The following DRICH1 variants were observed in gnomAD, a reference collection of about 807,000 sequenced individuals.
DRICH1 encodes the protein aspartate rich 1.
DRICH1 carries 38 observed loss-of-function variants against 39.5 expected under a neutral mutation model. The observed-to-expected ratio is 0.96, with a 90% confidence interval of 0.74 to 1.26. DRICH1 has a LOEUF of 1.26. DRICH1 is among the 50% of genes most tolerant of loss of function. The probability of loss-of-function intolerance (pLI) is 0.00; values close to 1 mark genes in which losing one functional copy is unlikely to be tolerated. For synonymous variants in DRICH1, 84 were observed against 99.5 expected (o/e 0.84, Z 0.93); for missense variants, 279 against 270.4 (o/e 1.03, Z -0.22).
At chr22:23,581,539 T>G in the DRICH1 span, 4 of 152,154 alleles carry the variant, frequency 2.6e-5, no homozygotes, top group Non-Finnish European at 5.9e-5. Context: ...TGGGAGATAA[T>G]GCATGTCAGT....
Position 23,622,100 on chromosome 22 carries a change from A to G in DRICH1, c.375T>C (p.Asp125=). The change falls in exon 4 of 12, where the codon GAT becomes GAC. Residue 125 remains aspartate (D), a synonymous_variant. Coordinates refer to ENST00000317749, the MANE Select transcript of DRICH1 (RefSeq NM_016449.4). The part of the protein sequence containing the change: ...EDDDCDDDDD[D]DAQILPSRVQ... ...AGAAAGATTGTCTTACCTGGGCATC[A>G]TCATCATCATCATCATCACAGTCAT... The G allele has an allele frequency of 6.5e-7, 1 of 1,542,994 alleles. No homozygotes were observed. The highest frequency in any genetic ancestry group is 2.4e-5 in the East Asian group (1 of 41,118).
chr22:23,627,746 G>C, intron 1 of DRICH1, among the ~76,000 whole-genome samples: 1 of 152,148 alleles, frequency 6.6e-6, no homozygotes. Context: ...CTGTCCTCAG[G>C]AGCTCAACTT....
chr22:23,608,906 A>T, intron 11 of DRICH1, 138 bp from the exon 12 acceptor site: 1 of 927,490 alleles, frequency 1.1e-6, no homozygotes, highest in Non-Finnish European at 1.7e-6. Flanking sequence ...GAAATTACAG[A>T]TGCGGAAACT....
rs1927212197 is a variant in DRICH1 at position 23,614,204 on chromosome 22, T to G, written c.552A>C (p.Glu184Asp). ...GTGAGCATCTTAAAAACAGGCTATC[T>G]TCAGAACAAGCTGGAAGGACACAGA... Reference protein sequence around the residue: ...ILPSPVQACSEDSLFLRCSLR... With the variant: ...ILPSPVQACSDDSLFLRCSLR... Residue 184 changes from glutamate (E) to aspartate (D), a missense_variant, in exon 9 of 12, where the codon GAA becomes GAC. Transcript: ENST00000317749. The G allele has an allele frequency of 6.2e-7, 1 of 1,613,134 alleles. No individual in the cohort carries two copies. The highest frequency in any genetic ancestry group is 1.3e-5 in the African/African-American group (1 of 74,908).
chr22:23,631,483 TG>T (rs1056158157), intron 1 of DRICH1, among the ~76,000 whole-genome samples: 2 of 151,304 alleles, frequency 1.3e-5, no homozygotes, highest in Non-Finnish European at 3.0e-5. Context: ...CCTTAAGAGA[TG>T]GAAGAAAAAC....
the DRICH1 span, among the ~76,000 whole-genome samples, chr22:23,591,913 T>C: frequency 6.6e-6 from 1 of 151,978 alleles, no homozygotes; most frequent in Admixed American, 6.6e-5. Context: ...ACACCCAGAA[T>C]ACAGCACAGG....
At chr22:23,607,010 GT>G (rs1182616735), downstream of DRICH1, 1 of 152,932 alleles carries the variant, frequency 6.5e-6, no homozygotes, top group Admixed American at 6.5e-5. Flanking sequence ...GGTGTGGCCG[GT>G]CCACCCTCAG....
chr22:23,631,450 T>G (rs940330612), intron 1 of DRICH1, among the ~76,000 whole-genome samples: 3 of 151,198 alleles, frequency 2.0e-5, no homozygotes, highest in Admixed American at 6.6e-5. Context: ...AAATAATAAA[T>G]AAAATTTACA....
At chr22:23,604,976 T>C (rs79420007), downstream of DRICH1, among the ~76,000 whole-genome samples, 4,756 of 152,240 alleles carry the variant, frequency 0.031, 224 homozygotes, top group African/African-American at 0.11. Context: ...CTGCATTTGG[T>C]GCAATTGTCC....
intron 2 of DRICH1, among the ~76,000 whole-genome samples, 196 bp downstream of exon 2, chr22:23,625,785 G>A (rs1928023233): frequency 2.0e-5 from 3 of 152,158 alleles, no homozygotes; most frequent in Admixed American, 1.3e-4. Context: ...GGAGTGACCT[G>A]CACACTCGGG....
intron 2 of DRICH1, 116 bp downstream of exon 2, chr22:23,625,865 C>T (rs752068112): frequency 1.2e-4 from 98 of 789,892 alleles, no homozygotes; most frequent in Non-Finnish European, 2.0e-4. Context: ...CATTAAAAGT[C>T]TTACTTTTGC....
At chr22:23,616,333 C>T (rs762523603) in intron 8 of DRICH1, among the ~76,000 whole-genome samples, 6 of 151,994 alleles carry the variant, frequency 3.9e-5, no homozygotes, top group Non-Finnish European at 5.9e-5. Flanking sequence ...AAGAGGTGAT[C>T]GAAAACACAG....
chr22:23,610,767 A>G (rs1440260948), intron 11 of DRICH1, among the ~76,000 whole-genome samples: 1 of 151,820 alleles, frequency 6.6e-6, no homozygotes, highest in Non-Finnish European at 1.5e-5. Flanking sequence ...CATAGAACAC[A>G]TCAACTATTT....
the DRICH1 span, among the ~76,000 whole-genome samples, chr22:23,590,121 G>A: frequency 6.6e-6 from 1 of 152,146 alleles, no homozygotes; most frequent in Non-Finnish European, 1.5e-5. Context: ...GAGCTGTGTG[G>A]ACGGGAAGCA....
the DRICH1 span, among the ~76,000 whole-genome samples, chr22:23,581,902 C>A: frequency 6.6e-6 from 1 of 151,474 alleles, no homozygotes; most frequent in Admixed American, 6.6e-5. Flanking sequence ...CCGCGCCTGG[C>A]CCATCTTGAC....
At chr22:23,591,329 T>C in the DRICH1 span, among the ~76,000 whole-genome samples, 1 of 152,186 alleles carries the variant, frequency 6.6e-6, no homozygotes, top group South Asian at 2.1e-4. Context: ...ACACTTACAC[T>C]CTCAAGGACT....
chr22:23,588,983 T>G, the DRICH1 span, among the ~76,000 whole-genome samples: 2 of 152,002 alleles, frequency 1.3e-5, no homozygotes, highest in Non-Finnish European at 2.9e-5. Flanking sequence ...CCGAACATGA[T>G]GAAACTAGGC....
At position 23,627,609 on chromosome 22, in the gene DRICH1, A is replaced by C. The variant is rs116696732; in HGVS notation, c.209-1561T>G. Among the ~76,000 whole-genome samples the C allele has an allele frequency of 4.6e-5, 7 of 152,318 alleles. No individual in the cohort carries two copies. In the East Asian group the frequency reaches 9.6e-4, roughly 21 times the overall value. ...TGGGGCTGGGGATATGACAACAATGAGAACAACATCCAGGTCCAGAGGGAT... is the reference window on the plus strand; with the variant it reads ...TGGGGCTGGGGATATGACAACAATGCGAACAACATCCAGGTCCAGAGGGAT... On this transcript the variant is annotated intron_variant, in intron 1 of 11. Coordinates refer to ENST00000317749, the MANE Select transcript of DRICH1 (RefSeq NM_016449.4).
At chr22:23,613,741 G>T in intron 9 of DRICH1, 81 bp from the exon 10 acceptor site, 2 of 1,101,776 alleles carry the variant, frequency 1.8e-6, no homozygotes, top group Non-Finnish European at 2.7e-6. Flanking sequence ...TCTGGACAAC[G>T]ATAAAAAACC....
Sources: gnomAD v4.1 joint callset for allele counts (sites outside exome capture counted in the v4.1 genomes callset) on GRCh38, gnomAD v4.1.1 for gene constraint, MANE v1.5 for transcripts, NCBI Gene and HGNC (gene_info 2026-07-23, HGNC 2026-07-21) for gene names.